The following STIM1 variants were observed in gnomAD, a reference collection of about 807,000 sequenced individuals.
STIM1 encodes stromal interaction molecule 1.
STIM1 carries 25 observed loss-of-function variants against 74.7 expected under a neutral mutation model. The observed-to-expected ratio is 0.33, with a 90% CI of 0.24 to 0.47. The LOEUF is 0.47. Ranked by LOEUF, STIM1 falls within the 20% of genes least tolerant of loss-of-function variation. STIM1 has a pLI of 1.00. For missense variants in STIM1, 728 were observed against 920.8 expected, an observed-to-expected ratio of 0.79 and a Z score of 2.71; for synonymous variants, 328 against 348.8, an observed-to-expected ratio of 0.94 and a Z score of 0.66.
chr11:4,015,032 G>A (rs920542925), intron 2 of STIM1, among the ~76,000 whole-genome samples: 1 of 152,126 alleles, frequency 6.6e-6, no homozygotes, highest in South Asian at 2.1e-4. Flanking sequence ...TTTAATTGGG[G>A]CATTTAGCCC....
At chr11:3,963,423 C>CT (rs1200317937) in intron 1 of STIM1, among the ~76,000 whole-genome samples, 1 of 152,074 alleles carries the variant, frequency 6.6e-6, no homozygotes, top group Non-Finnish European at 1.5e-5. Context: ...TGATCTCGTT[C>CT]TTTTTTTATG....
At chr11:4,016,446 G>A (rs2093897662) in intron 2 of STIM1, among the ~76,000 whole-genome samples, 1 of 152,184 alleles carries the variant, frequency 6.6e-6, no homozygotes, top group South Asian at 2.1e-4. Context: ...TCACCCGCCT[G>A]TATGAGGTGT....
intron 2 of STIM1, among the ~76,000 whole-genome samples, chr11:4,005,515 G>A (rs373716901): frequency 1.3e-5 from 2 of 148,450 alleles, no homozygotes; most frequent in South Asian, 2.2e-4. Flanking sequence ...TCACTCATAG[G>A]TGGGAATTGA....
chr11:4,074,379 G>C lies in STIM1; in HGVS notation c.792-123G>C, dbSNP rs563973320. Reference sequence around the variant, plus strand: ...CTAGCTCAGAGCCAGACACACAGCAGAGCAGGGAGAATATATGCTGAGAGT... The same window carrying C: ...CTAGCTCAGAGCCAGACACACAGCACAGCAGGGAGAATATATGCTGAGAGT... On this transcript the variant is annotated intron_variant, in intron 6 of 12. Coordinates refer to ENST00000526596, the MANE Select transcript of STIM1 (RefSeq NM_001382567.1). 6.8e-6 allele frequency: 8 copies of C among 1,182,826 alleles called. No individual in the cohort carries two copies. The East Asian group carries it at 1.7e-4, about 26-fold the overall frequency. The allele number at this position is 1,182,826 out of a possible 1,614,324, so 73.3% of individuals were successfully genotyped here. A position where few individuals can be genotyped will look rare whatever the true frequency, so the allele number is the denominator to read the frequency against.
intron 1 of STIM1, among the ~76,000 whole-genome samples, chr11:3,911,796 A>T (rs1235325775): frequency 6.6e-6 from 1 of 150,774 alleles, no homozygotes; most frequent in African/African-American, 2.4e-5. Context: ...TTCTACTGTT[A>T]CTCTCCTATC....
At chr11:3,883,974 G>A (rs1456347366) in intron 1 of STIM1, among the ~76,000 whole-genome samples, 1 of 152,088 alleles carries the variant, frequency 6.6e-6, no homozygotes, top group Non-Finnish European at 1.5e-5. Flanking sequence ...TTATATTCAG[G>A]TAGGAAGATA....
At chr11:3,944,943 A>G (rs1439128930) in intron 1 of STIM1, among the ~76,000 whole-genome samples, 1 of 152,164 alleles carries the variant, frequency 6.6e-6, no homozygotes, top group Non-Finnish European at 1.5e-5. Flanking sequence ...ACTCCTCATT[A>G]TATAATACGG....
At chr11:3,958,012 C>T (rs1453397871) in intron 1 of STIM1, among the ~76,000 whole-genome samples, 2 of 152,220 alleles carry the variant, frequency 1.3e-5, no homozygotes, top group African/African-American at 2.4e-5. Context: ...ACTACAGGCG[C>T]GTGCCATCAT....
chr11:3,856,932 C>T (rs1236683583), intron 1 of STIM1, among the ~76,000 whole-genome samples: 1 of 152,124 alleles, frequency 6.6e-6, no homozygotes, highest in Admixed American at 6.5e-5. Context: ...TGTCTCTTTG[C>T]TGTGCGCATT....
intron 3 of STIM1, among the ~76,000 whole-genome samples, chr11:4,041,792 G>A (rs565046216): frequency 6.6e-6 from 1 of 152,150 alleles, no homozygotes; most frequent in Admixed American, 6.5e-5. Flanking sequence ...TCACTTTGTT[G>A]CCCAGGCTGG....
chr11:3,872,952 T>C (rs1205621457), intron 1 of STIM1, among the ~76,000 whole-genome samples: 1 of 139,786 alleles, frequency 7.2e-6, no homozygotes, highest in East Asian at 2.0e-4. Context: ...TTACTCCCAC[T>C]TTTTTTTTTT....
Position 3,946,168 on chromosome 11 carries a change from A to G in STIM1, c.140-21384A>G, listed in dbSNP as rs149518211. Among the ~76,000 whole-genome samples the G allele has an allele frequency of 3.9e-5, 6 of 152,346 alleles. No homozygotes were observed. In the East Asian group the frequency reaches 9.6e-4, roughly 24 times the overall value. On this transcript the variant is annotated intron_variant, in intron 1 of 12. Transcript: ENST00000526596. Reference sequence around the variant, plus strand: ...GCTGGATAGGAATTTCTTGAATAATAGTATACATTTGAATGCTGAATTTTC... The same window carrying G: ...GCTGGATAGGAATTTCTTGAATAATGGTATACATTTGAATGCTGAATTTTC...
At chr11:3,859,039 T>C (rs2090497371) in intron 1 of STIM1, among the ~76,000 whole-genome samples, 1 of 152,182 alleles carries the variant, frequency 6.6e-6, no homozygotes, top group Admixed American at 6.5e-5. Context: ...GGTGACTCTG[T>C]AGCTGAGAGC....
At chr11:4,003,885 C>G (rs993137478) in intron 2 of STIM1, among the ~76,000 whole-genome samples, 1 of 152,160 alleles carries the variant, frequency 6.6e-6, no homozygotes, top group African/African-American at 2.4e-5. Flanking sequence ...GCAACTTCAG[C>G]AAAGTCTCAG....
intron 5 of STIM1, among the ~76,000 whole-genome samples, chr11:4,061,289 G>A (rs1382082199): frequency 6.6e-6 from 1 of 152,144 alleles, no homozygotes; most frequent in Non-Finnish European, 1.5e-5. Flanking sequence ...GGTGGAGCAG[G>A]TTGGACTGAT....
chr11:4,090,365 C>G (rs10458900), intron 12 of STIM1, among the ~76,000 whole-genome samples: 5,733 of 152,264 alleles, frequency 0.038, 257 homozygotes, highest in East Asian at 0.19. Flanking sequence ...AGGCCAACAT[C>G]CTGTCTTTCT....
chr11:4,041,948 A>G (rs2094151312), intron 3 of STIM1, among the ~76,000 whole-genome samples: 2 of 152,168 alleles, frequency 1.3e-5, no homozygotes, highest in Admixed American at 1.3e-4. Context: ...TAAGTGACCA[A>G]CTAACTAACA....
chr11:3,981,977 C>T (rs1457500075), intron 2 of STIM1, among the ~76,000 whole-genome samples: 1 of 151,628 alleles, frequency 6.6e-6, no homozygotes, highest in Non-Finnish European at 1.5e-5. Flanking sequence ...TGGAAAGTTT[C>T]TCTCTCTCTC....
chr11:3,939,986 T>C (rs1446578885), intron 1 of STIM1, among the ~76,000 whole-genome samples: 3 of 152,204 alleles, frequency 2.0e-5, no homozygotes, highest in Non-Finnish European at 2.9e-5. Flanking sequence ...ACTGTAAATC[T>C]TTTTTTGTTA....
Sources: allele counts gnomAD v4.1 joint callset (sites outside exome capture counted in the v4.1 genomes callset), GRCh38; gene constraint gnomAD v4.1.1; transcripts MANE v1.5; gene names NCBI Gene and HGNC (gene_info 2026-07-23, HGNC 2026-07-21).